OR56A3: variants seen among roughly 807,000 people sequenced by gnomAD.
OR56A3 encodes the protein olfactory receptor 56A3.
In OR56A3, 23 loss-of-function variants were observed where a neutral mutation model predicts 17.5. That is an observed-to-expected ratio of 1.32 (90% CI 0.95 to 1.87). The LOEUF is 1.87. Ranked by LOEUF, OR56A3 falls within the 40% of genes most tolerant of loss-of-function variation. The pLI is 0.00. For missense variants in OR56A3, 366 were observed against 380.1 expected, an observed-to-expected ratio of 0.96 and a Z score of 0.31; for synonymous variants, 175 against 150.6, an observed-to-expected ratio of 1.16 and a Z score of -1.19.
chr11:5,979,446 T>G, the OR56A3 span, among the ~76,000 whole-genome samples: 1 of 152,128 alleles, frequency 6.6e-6, no homozygotes, highest in Non-Finnish European at 1.5e-5. Flanking sequence ...CATTTAATCT[T>G]GGAAGGTCGT....
chr11:6,018,706 TA>T, the OR56A3 span, among the ~76,000 whole-genome samples: 3 of 151,374 alleles, frequency 2.0e-5, no homozygotes, highest in East Asian at 5.8e-4. Flanking sequence ...AATAGAACTT[TA>T]AAAAGCCTCA....
chr11:5,942,596 G>C (rs1326488655), intron 1 of OR56A3, among the ~76,000 whole-genome samples: 1 of 152,190 alleles, frequency 6.6e-6, no homozygotes, highest in African/African-American at 2.4e-5. Flanking sequence ...GCCTACCAGT[G>C]TCTGAATTAT....
chr11:5,995,640 G>A, the OR56A3 span, among the ~76,000 whole-genome samples: 2 of 151,994 alleles, frequency 1.3e-5, no homozygotes, highest in African/African-American at 2.4e-5. Context: ...TGTGTTTATT[G>A]TGTACAACAT....
rs561630991 is a variant in OR56A3 at position 5,943,138 on chromosome 11, T to C, written c.-314+764T>C. ...CAGATGCTTTACTTCTAGGGATGAGTACTTTATTGATGCTTGTTGAATGAT... is the reference window on the plus strand; with the variant it reads ...CAGATGCTTTACTTCTAGGGATGAGCACTTTATTGATGCTTGTTGAATGAT... On this transcript the variant is annotated intron_variant, in intron 1 of 2. Transcript: ENST00000641160. 1.2e-4 allele frequency among the ~76,000 whole-genome samples: 19 copies of C among 152,278 alleles called. No individual in the cohort carries two copies. In the East Asian group the frequency reaches 2.3e-3, roughly 19 times the overall value.
At chr11:5,983,313 C>T in the OR56A3 span, among the ~76,000 whole-genome samples, 1 of 152,138 alleles carries the variant, frequency 6.6e-6, no homozygotes, top group Non-Finnish European at 1.5e-5. Flanking sequence ...GAAATATTTT[C>T]TGACTTCCTC....
chr11:5,985,685 C>A, the OR56A3 span, among the ~76,000 whole-genome samples: 1 of 152,184 alleles, frequency 6.6e-6, no homozygotes, highest in African/African-American at 2.4e-5. Context: ...TCCCCAAGTC[C>A]TACTGACACA....
the OR56A3 span, among the ~76,000 whole-genome samples, chr11:6,007,558 T>C: frequency 1.3e-5 from 2 of 152,084 alleles, no homozygotes; most frequent in Admixed American, 1.3e-4. Context: ...CATCACTTTT[T>C]ACACTTTATA....
chr11:5,987,076 C>G, the OR56A3 span: 1 of 696,364 alleles, frequency 1.4e-6, no homozygotes, highest in South Asian at 1.9e-5. Context: ...AATTCTTTTA[C>G]AAGTGAGACA....
chr11:5,953,797 A>G (rs1847919819), downstream of OR56A3, among the ~76,000 whole-genome samples: 1 of 152,122 alleles, frequency 6.6e-6, no homozygotes, highest in South Asian at 2.1e-4. Context: ...ATTTTAATAA[A>G]TGTTTTTATT....
chr11:5,980,949 G>C, the OR56A3 span, among the ~76,000 whole-genome samples: 12 of 152,152 alleles, frequency 7.9e-5, no homozygotes, highest in Non-Finnish European at 1.6e-4. Context: ...TGAAGTTCTT[G>C]ACTGGAATTT....
At chr11:5,960,126 C>G in the OR56A3 span, among the ~76,000 whole-genome samples, 1 of 152,128 alleles carries the variant, frequency 6.6e-6, no homozygotes, top group African/African-American at 2.4e-5. Context: ...TTTTCTTTCT[C>G]AAGATTGCTG....
the OR56A3 span, among the ~76,000 whole-genome samples, chr11:5,960,226 ATCCCTCTCCCCCTCCCCCTCCCTC>A: frequency 2.0e-5 from 3 of 152,058 alleles, no homozygotes; most frequent in South Asian, 6.2e-4. Context: ...AAGAGATTGC[ATCCCTCTCCCCCTCCCCCTCCCTC>A]TCCCTCTCCC....
At chr11:5,993,063 G>T in the OR56A3 span, among the ~76,000 whole-genome samples, 3 of 152,152 alleles carry the variant, frequency 2.0e-5, no homozygotes, top group East Asian at 5.8e-4. Flanking sequence ...CATAAGAATT[G>T]GTTAAAAGTG....
the OR56A3 span, chr11:6,020,458 A>T: frequency 1.3e-5 from 2 of 152,220 alleles, no homozygotes; most frequent in Non-Finnish European, 2.9e-5. Flanking sequence ...ATGTCTGTCC[A>T]TTAGTTTGTA....
rs536871198 is a variant in OR56A3 at position 5,949,204 on chromosome 11, T to C, written c.*910T>C. On this transcript the variant is annotated 3_prime_UTR_variant, in exon 3 of 3. Coordinates refer to ENST00000641160, the MANE Select transcript of OR56A3 (RefSeq NM_001003443.3). Reference sequence around the variant, plus strand: ...GTGTCCTGTGAATTATGTTAGCTATTAAGAAACAAAAATAAAAAGAATATT... The same window carrying C: ...GTGTCCTGTGAATTATGTTAGCTATCAAGAAACAAAAATAAAAAGAATATT... 9.2e-5 allele frequency: 14 copies of C among 152,284 alleles called. No individual in the cohort carries two copies. Among genetic ancestry groups the C allele is most frequent in the Admixed American group, 1.3e-4 (2 of 15,288 alleles). 9.4% of individuals were successfully genotyped at this position (152,284 alleles called of 1,614,324 possible). A position where few individuals can be genotyped will look rare whatever the true frequency, so the allele number is the denominator to read the frequency against.
At chr11:5,965,570 G>A in the OR56A3 span, among the ~76,000 whole-genome samples, 1 of 151,842 alleles carries the variant, frequency 6.6e-6, no homozygotes, top group Non-Finnish European at 1.5e-5. Flanking sequence ...GGGAAAATAA[G>A]AAAAAAATAA....
chr11:5,962,273 T>C, the OR56A3 span, among the ~76,000 whole-genome samples: 2 of 152,212 alleles, frequency 1.3e-5, no homozygotes, highest in African/African-American at 4.8e-5. Flanking sequence ...GGTCTTTTAA[T>C]GTATTATTGA....
the OR56A3 span, chr11:6,002,462 G>GATT: frequency 2.7e-5 from 44 of 1,614,110 alleles, no homozygotes; most frequent in Admixed American, 7.2e-4. Context: ...TGCAGTTCTT[G>GATT]ATTATGTTTC....
the OR56A3 span, chr11:5,994,167 C>G: frequency 3.9e-6 from 2 of 511,922 alleles, no homozygotes; most frequent in South Asian, 3.2e-5. Flanking sequence ...GCTGCTCCAT[C>G]TGCAGGGCAT....
Sources: gnomAD v4.1 joint callset for allele counts (sites outside exome capture counted in the v4.1 genomes callset) on GRCh38, gnomAD v4.1.1 for gene constraint, MANE v1.5 for transcripts, NCBI Gene and HGNC (gene_info 2026-07-23, HGNC 2026-07-21) for gene names.